The following LSAMP variants were observed in gnomAD, a reference collection of about 807,000 sequenced individuals.
LSAMP encodes the protein limbic system-associated membrane protein.
A neutral mutation model predicts 38.6 loss-of-function variants in LSAMP; 7 were observed. The ratio of observed to expected loss-of-function variants is 0.18; its 90% CI spans 0.10 to 0.34. The LOEUF is 0.34. LSAMP is among the 10% of genes least tolerant of loss of function. The pLI is 1.00. For synonymous variants in LSAMP, 154 were observed against 166.8 expected, an observed-to-expected ratio of 0.92 and a Z score of 0.59; for missense variants, 313 against 420.0, an observed-to-expected ratio of 0.75 and a Z score of 2.23.
chr3:115,825,104 G>A (rs1440881657), intron 6 of LSAMP, among the ~76,000 whole-genome samples: 5 of 152,110 alleles, frequency 3.3e-5, no homozygotes, highest in Admixed American at 2.0e-4. Flanking sequence ...AACATGAAAC[G>A]AGGTAACTGG....
At chr3:116,126,512 A>G (rs983248535) in intron 1 of LSAMP, among the ~76,000 whole-genome samples, 2 of 152,218 alleles carry the variant, frequency 1.3e-5, no homozygotes, top group Non-Finnish European at 2.9e-5. Flanking sequence ...TCAGAGCACT[A>G]TGCTGCCTAC....
chr3:115,966,702 A>T (rs1938827005), intron 3 of LSAMP, among the ~76,000 whole-genome samples: 1 of 152,208 alleles, frequency 6.6e-6, no homozygotes, highest in Non-Finnish European at 1.5e-5. Context: ...AATAAACTCA[A>T]CCTCTGAAGA....
At chr3:116,319,803 T>G (rs538180521) in intron 1 of LSAMP, among the ~76,000 whole-genome samples, 7 of 142,316 alleles carry the variant, frequency 4.9e-5, no homozygotes, top group African/African-American at 1.5e-4. Context: ...TTTTTTTTTT[T>G]GTTTTTTTTT....
At chr3:116,295,528 T>G (rs1234569411) in intron 1 of LSAMP, among the ~76,000 whole-genome samples, 1 of 152,200 alleles carries the variant, frequency 6.6e-6, no homozygotes, top group African/African-American at 2.4e-5. Context: ...AGTCCCAAGG[T>G]CTAGTCACCA....
At chr3:116,009,720 G>A (rs1361706701) in intron 3 of LSAMP, among the ~76,000 whole-genome samples, 2 of 151,980 alleles carry the variant, frequency 1.3e-5, no homozygotes, top group African/African-American at 2.4e-5. Flanking sequence ...CTCTTGTAAC[G>A]GGGGCTCCTT....
chr3:116,250,342 A>G (rs1035665171), intron 1 of LSAMP, among the ~76,000 whole-genome samples: 4 of 152,212 alleles, frequency 2.6e-5, no homozygotes, highest in African/African-American at 9.6e-5. Context: ...TATCTACTCT[A>G]AAAGAACATA....
chr3:115,859,970 A>G (rs1935626866), intron 3 of LSAMP, among the ~76,000 whole-genome samples: 1 of 152,126 alleles, frequency 6.6e-6, no homozygotes, highest in Admixed American at 6.5e-5. Flanking sequence ...AATCCCCTAT[A>G]TTTAGTTCTC....
intron 1 of LSAMP, among the ~76,000 whole-genome samples, chr3:116,400,936 C>G (rs1480253138): frequency 1.3e-5 from 2 of 152,142 alleles, no homozygotes; most frequent in Non-Finnish European, 2.9e-5. Flanking sequence ...ATACTACCTA[C>G]CACAGGATGG....
At chr3:115,942,083 A>G (rs985096009) in intron 3 of LSAMP, among the ~76,000 whole-genome samples, 7 of 152,132 alleles carry the variant, frequency 4.6e-5, no homozygotes, top group African/African-American at 1.7e-4. Flanking sequence ...TTACTAAAAG[A>G]AATATATTAC....
At chr3:116,051,533 C>T (rs1366048117) in intron 2 of LSAMP, among the ~76,000 whole-genome samples, 1 of 152,166 alleles carries the variant, frequency 6.6e-6, no homozygotes, top group Admixed American at 6.5e-5. Context: ...CACCTTCCAG[C>T]TCCAACAACC....
At chr3:116,185,030 C>CTTTTTTTT (rs368314567) in intron 1 of LSAMP, among the ~76,000 whole-genome samples, 15 of 117,718 alleles carry the variant, frequency 1.3e-4, no homozygotes, top group Non-Finnish European at 1.8e-4. Context: ...TTCTTTCTTT[C>CTTTTTTTT]TTTTTTTTTT....
Position 115,803,550 on chromosome 3 carries a change from T to C in LSAMP, c.*6767A>G, listed in dbSNP as rs1302295880. The C allele has an allele frequency of 6.6e-6, 1 of 152,222 alleles. No homozygotes were observed. The highest frequency in any genetic ancestry group is 1.5e-5 in the Non-Finnish European group (1 of 68,050). 9.4% of individuals were successfully genotyped at this position (152,222 alleles called of 1,614,324 possible). Reference sequence around the variant, plus strand: ...CAGAGAACCTAACTTTCACATTTGATTTTGGCCTTCACAACAATTCATACT... The same window carrying C: ...CAGAGAACCTAACTTTCACATTTGACTTTGGCCTTCACAACAATTCATACT... On this transcript the variant is annotated 3_prime_UTR_variant, in exon 7 of 7. Transcript: ENST00000490035.
At chr3:116,298,115 T>C (rs745498053) in intron 1 of LSAMP, among the ~76,000 whole-genome samples, 1 of 152,214 alleles carries the variant, frequency 6.6e-6, no homozygotes, top group East Asian at 1.9e-4. Flanking sequence ...TCTATCTATC[T>C]ATAAATCCAT....
intron 6 of LSAMP, among the ~76,000 whole-genome samples, chr3:115,832,032 G>A (rs1934628158): frequency 6.6e-6 from 1 of 152,108 alleles, no homozygotes; most frequent in Non-Finnish European, 1.5e-5. Flanking sequence ...GATTTATTGA[G>A]GCTTGTTTTT....
chr3:115,833,009 T>C (rs1326117047), intron 6 of LSAMP, among the ~76,000 whole-genome samples: 1 of 152,234 alleles, frequency 6.6e-6, no homozygotes, highest in Non-Finnish European at 1.5e-5. Flanking sequence ...CTTGAGTTGG[T>C]GGCTGCAGAA....
Position 116,379,864 on chromosome 3 carries a change from A to G in LSAMP, c.155+65013T>C, listed in dbSNP as rs192610572. On this transcript the variant is annotated intron_variant, in intron 1 of 6. Coordinates refer to ENST00000490035, the MANE Select transcript of LSAMP (RefSeq NM_002338.5). ...TTACAGGCAAATGTAGGATTGAAAG[A>G]TGGAAACTTAGTCATTGTCATAAAC... 3.3e-5 allele frequency among the ~76,000 whole-genome samples: 5 copies of G among 152,160 alleles called. No homozygotes were observed. In the East Asian group the frequency reaches 7.7e-4, roughly 24 times the overall value.
At chr3:116,108,725 A>G (rs1708527756) in intron 1 of LSAMP, among the ~76,000 whole-genome samples, 1 of 152,234 alleles carries the variant, frequency 6.6e-6, no homozygotes, top group African/African-American at 2.4e-5. Context: ...CTTAGGAGAA[A>G]TCCTGGGCTG....
intron 2 of LSAMP, among the ~76,000 whole-genome samples, chr3:116,024,188 A>C (rs528830242): frequency 2.6e-5 from 4 of 152,262 alleles, no homozygotes; most frequent in Non-Finnish European, 5.9e-5. Context: ...TGGGTTACTT[A>C]CCTGTGCCTT....
At chr3:115,907,655 A>G (rs943233018) in intron 3 of LSAMP, among the ~76,000 whole-genome samples, 3 of 152,184 alleles carry the variant, frequency 2.0e-5, no homozygotes, top group African/African-American at 2.4e-5. Context: ...AAGAAAATTC[A>G]CTTAGGAACA....
Sources: gnomAD v4.1 joint callset for allele counts (sites outside exome capture counted in the v4.1 genomes callset) on GRCh38, gnomAD v4.1.1 for gene constraint, MANE v1.5 for transcripts, NCBI Gene and HGNC (gene_info 2026-07-23, HGNC 2026-07-21) for gene names.